Variants in VWC2 observed in about 807,000 individuals in gnomAD.
VWC2 encodes the protein brorin.
In VWC2, 14 loss-of-function variants were observed where a neutral mutation model predicts 29.8. The ratio of observed to expected loss-of-function variants is 0.47; its 90% CI spans 0.31 to 0.74. The LOEUF is 0.74. VWC2 is among the 30% of genes least tolerant of loss of function. VWC2 has a pLI of 0.05. For synonymous variants in VWC2, 213 were observed against 199.0 expected (o/e 1.07, Z -0.59); for missense variants, 457 against 459.8 (o/e 0.99, Z 0.05).
At chr7:49,906,774 A>G (rs1019409953) in intron 3 of VWC2, among the ~76,000 whole-genome samples, 7 of 152,222 alleles carry the variant, frequency 4.6e-5, no homozygotes, top group Admixed American at 3.9e-4. Context: ...CTTATGTGAA[A>G]CAGCTTGTAA....
chr7:49,821,008 T>A (rs6943073), intron 3 of VWC2, among the ~76,000 whole-genome samples: 1 of 151,892 alleles, frequency 6.6e-6, no homozygotes, highest in Non-Finnish European at 1.5e-5. Context: ...TGCCCAGCCC[T>A]CCCCGCCCAG....
chr7:49,836,464 GA>G (rs34464968), intron 3 of VWC2, among the ~76,000 whole-genome samples: 1,842 of 117,718 alleles, frequency 0.016, 45 homozygotes, highest in African/African-American at 0.049. Flanking sequence ...CTCTGTCTCT[GA>G]AAAAAAAAAA....
intron 2 of VWC2, 105 bp from the exon 3 acceptor site, chr7:49,802,606 C>T: frequency 6.8e-7 from 1 of 1,468,178 alleles, no homozygotes; most frequent in Non-Finnish European, 9.3e-7. Context: ...CCACTGCACT[C>T]CAGTGTGAGC....
At chr7:49,776,741 G>A (rs917356320) in intron 2 of VWC2, among the ~76,000 whole-genome samples, 1 of 152,084 alleles carries the variant, frequency 6.6e-6, no homozygotes, top group South Asian at 2.1e-4. Flanking sequence ...TAATAATACC[G>A]GCCATCTCTC....
chr7:49,814,426 G>GT (rs1789086698), intron 3 of VWC2, among the ~76,000 whole-genome samples: 1 of 152,188 alleles, frequency 6.6e-6, no homozygotes, highest in South Asian at 2.1e-4. Flanking sequence ...AATTTAATTT[G>GT]TTTTTTATCT....
rs1003994130 is a variant in VWC2, at chr7:49,857,199, A to G, written c.826+54359A>G. Among the ~76,000 whole-genome samples the G allele has an allele frequency of 4.0e-5, 6 of 151,730 alleles. No homozygotes were observed. In the South Asian group the frequency reaches 6.3e-4, roughly 16 times the overall value. On this transcript the variant is annotated intron_variant, in intron 3 of 3. Transcript: ENST00000340652. ...AACTTTCTACTTACCCCTACCCCCA[A>G]CCCCTGGCAACCACCATTCTGGTTC...
chr7:49,793,332 C>T (rs1158026029), intron 2 of VWC2, among the ~76,000 whole-genome samples: 2 of 151,382 alleles, frequency 1.3e-5, no homozygotes, highest in Non-Finnish European at 1.5e-5. Context: ...TGTTTCTAAC[C>T]CTCTTTTTTT....
At chr7:49,831,302 G>A (rs989362671) in intron 3 of VWC2, among the ~76,000 whole-genome samples, 2 of 152,052 alleles carry the variant, frequency 1.3e-5, no homozygotes, top group African/African-American at 4.8e-5. Flanking sequence ...GTTAAACCCT[G>A]TGTTTTAGAC....
chr7:49,855,918 A>G (rs963410701), intron 3 of VWC2, among the ~76,000 whole-genome samples: 9 of 152,100 alleles, frequency 5.9e-5, no homozygotes, highest in Non-Finnish European at 8.8e-5. Flanking sequence ...AAGAAAACTG[A>G]TGTTTCTTTC....
rs550055858 is a variant in VWC2 at position 49,781,972 on chromosome 7, C to T, written c.696+5841C>T. ...AGATCCCAAGAGGCAGGTAGGACTCCAGGGATTATCAGACCCATGTGGGGC... is the reference window on the plus strand; with the variant it reads ...AGATCCCAAGAGGCAGGTAGGACTCTAGGGATTATCAGACCCATGTGGGGC... On this transcript the variant is annotated intron_variant, in intron 2 of 3. Coordinates refer to ENST00000340652, the MANE Select transcript of VWC2 (RefSeq NM_198570.5). Among the ~76,000 whole-genome samples the T allele has an allele frequency of 3.9e-4, 60 of 152,228 alleles. 1 individual carries two copies. The highest frequency in any genetic ancestry group is 7.8e-4 in the Non-Finnish European group (53 of 67,998).
At chr7:49,884,448 G>A (rs1791808587) in intron 3 of VWC2, among the ~76,000 whole-genome samples, 1 of 152,140 alleles carries the variant, frequency 6.6e-6, no homozygotes, top group Non-Finnish European at 1.5e-5. Flanking sequence ...TGGGAAGGTG[G>A]AGAACAGCAA....
chr7:49,898,604 C>A (rs58885258), intron 3 of VWC2, among the ~76,000 whole-genome samples: 1,898 of 151,936 alleles, frequency 0.012, 46 homozygotes, highest in African/African-American at 0.043. Context: ...CATAAGCATA[C>A]ACACACACAT....
chr7:49,781,007 T>C (rs1788164450), intron 2 of VWC2, among the ~76,000 whole-genome samples: 1 of 152,238 alleles, frequency 6.6e-6, no homozygotes, highest in Non-Finnish European at 1.5e-5. Flanking sequence ...AAAGCTACGG[T>C]TATTCACACT....
intron 3 of VWC2, among the ~76,000 whole-genome samples, chr7:49,815,046 T>C (rs571461766): frequency 6.6e-6 from 1 of 152,306 alleles, no homozygotes; most frequent in South Asian, 2.1e-4. Flanking sequence ...TTCAGATTGT[T>C]GGAGAAAAGT....
chr7:49,870,316 C>G (rs576581414), intron 3 of VWC2, among the ~76,000 whole-genome samples: 1 of 152,118 alleles, frequency 6.6e-6, no homozygotes, highest in Non-Finnish European at 1.5e-5. Flanking sequence ...AGGAGAATGG[C>G]GTGAACCCAG....
rs758274896 is a variant in VWC2, at chr7:49,775,841, G to T, written c.406G>T (p.Ala136Ser). 9 of 1,549,990 alleles carry T rather than the reference G, an allele frequency of 5.8e-6. No individual in the cohort carries two copies. In the Admixed American group the frequency reaches 1.8e-4, roughly 30 times the overall value. ...AAQDAIGPEL[A>S]PTPEPPEEYV... The stretch of plus-strand genomic sequence containing the variant: ...CCAGGACGCGATTGGCCCGGAACTC[G>T]CGCCCACGCCCGAGCCACCCGAGGA... The change falls in exon 2 of 4, where the codon GCG (alanine) becomes TCG (serine). Residue 136 changes from alanine to serine, a missense_variant. Physicochemically the swap from Ala to Ser is moderately conservative, Grantham distance 99. This residue lies in a region of VWC2 where 272 missense variants were observed against 202.7 expected (regional missense o/e 1.34). Coordinates refer to ENST00000340652, the MANE Select transcript of VWC2 (RefSeq NM_198570.5).
intron 2 of VWC2, among the ~76,000 whole-genome samples, chr7:49,778,706 T>C (rs898973870): frequency 3.3e-5 from 5 of 152,222 alleles, no homozygotes; most frequent in Admixed American, 6.5e-5. Flanking sequence ...CTTTGTGGGT[T>C]GCAGTAATGG....
chr7:49,880,567 T>C (rs1362416835), intron 3 of VWC2, among the ~76,000 whole-genome samples: 1 of 151,520 alleles, frequency 6.6e-6, no homozygotes, highest in Non-Finnish European at 1.5e-5. Flanking sequence ...TTTTTTATCA[T>C]TTCTATTTTT....
chr7:49,801,413 G>T (rs1003662945), intron 2 of VWC2, among the ~76,000 whole-genome samples: 10 of 152,196 alleles, frequency 6.6e-5, no homozygotes, highest in Non-Finnish European at 1.5e-4. Context: ...GGCTGGGTCT[G>T]CATATGCTCT....
Sources: allele counts gnomAD v4.1 joint callset (sites outside exome capture counted in the v4.1 genomes callset), GRCh38; gene constraint gnomAD v4.1.1; regional missense constraint gnomAD v4.1.1; transcripts MANE v1.5; gene names NCBI Gene and HGNC (gene_info 2026-07-23, HGNC 2026-07-21).